Variants in SEC14L1 observed in about 807,000 individuals in gnomAD.
The protein encoded by SEC14L1 is SEC14-like protein 1.
Under a neutral mutation model 85.3 loss-of-function variants are expected in SEC14L1, and 48 were observed. The observed-to-expected ratio is 0.56, with a 90% CI of 0.45 to 0.72. The LOEUF (loss-of-function observed/expected upper bound fraction) is 0.72, where lower values mean the gene tolerates loss of function less well. Ranked by LOEUF, SEC14L1 falls within the 30% of genes least tolerant of loss-of-function variation. The pLI is 0.00. For missense variants in SEC14L1, 682 were observed against 921.4 expected (o/e 0.74, Z 3.36); for synonymous variants, 391 against 355.5 (o/e 1.10, Z -1.12).
intron 3 of SEC14L1, among the ~76,000 whole-genome samples, chr17:77,177,117 A>T (rs1380210589): frequency 1.3e-5 from 2 of 151,932 alleles, no homozygotes; most frequent in Admixed American, 6.6e-5. Context: ...TAAATCATCA[A>T]TTTTTTTGGT....
intron 3 of SEC14L1, among the ~76,000 whole-genome samples, chr17:77,129,906 T>C (rs1223962062): frequency 6.6e-6 from 1 of 152,134 alleles, no homozygotes; most frequent in African/African-American, 2.4e-5. Flanking sequence ...AGGGGATTCA[T>C]TGCTGGACTT....
In SEC14L1 at chr17:77,203,261, C is replaced by A. The variant is rs867583595; in HGVS notation, c.1010-309C>A. Reference sequence around the variant, plus strand: ...GGGCAGTTGTTCAGACTGAGCCCAGCACTTATGCAGCTCGAGCTGAGTGAG... The same window carrying A: ...GGGCAGTTGTTCAGACTGAGCCCAGAACTTATGCAGCTCGAGCTGAGTGAG... On this transcript the variant is annotated intron_variant, in intron 9 of 16. Coordinates refer to ENST00000436233, the MANE Select transcript of SEC14L1 (RefSeq NM_001143998.2). 1.9e-4 allele frequency among the ~76,000 whole-genome samples: 29 copies of A among 152,320 alleles called. 1 individual carries two copies. Among genetic ancestry groups the A allele is most frequent in the Middle Eastern group, 3.4e-3 (1 of 294 alleles).
At position 77,187,917 on chromosome 17, in the gene SEC14L1, A is replaced by G. The variant is rs541974963; in HGVS notation, c.64-2886A>G. On this transcript the variant is annotated intron_variant, in intron 3 of 16. Coordinates refer to ENST00000436233, the MANE Select transcript of SEC14L1 (RefSeq NM_001143998.2). ...GTACCACCACACCTGGCTAATTTTT[A>G]TATTTTTTGTAGAGATGGGGTTATG... Among the ~76,000 whole-genome samples, 17 of 150,004 alleles carry G rather than the reference A, an allele frequency of 1.1e-4. No individual in the cohort carries two copies. In the South Asian group the frequency reaches 3.2e-3, roughly 28 times the overall value.
intron 13 of SEC14L1, among the ~76,000 whole-genome samples, chr17:77,208,572 A>T (rs1405193504): frequency 6.6e-6 from 1 of 152,116 alleles, no homozygotes; most frequent in African/African-American, 2.4e-5. Flanking sequence ...GTTGAGGCTG[A>T]TTGTTGAAAG....
At chr17:77,113,026 A>G (rs1452750705) in intron 3 of SEC14L1, among the ~76,000 whole-genome samples, 1 of 151,826 alleles carries the variant, frequency 6.6e-6, no homozygotes, top group Non-Finnish European at 1.5e-5. Context: ...AGGCATAGTG[A>G]CATGTGCCTG....
chr17:77,212,274 CT>C (rs1021876209), intron 15 of SEC14L1, 73 bp downstream of exon 15: 9 of 1,564,120 alleles, frequency 5.8e-6, no homozygotes, highest in Non-Finnish European at 7.8e-6. Flanking sequence ...TGAGTAGACT[CT>C]TTGCTTCGCT....
intron 3 of SEC14L1, among the ~76,000 whole-genome samples, chr17:77,147,321 C>T (rs945274542): frequency 3.3e-5 from 5 of 152,026 alleles, no homozygotes; most frequent in Admixed American, 1.3e-4. Context: ...ATGTTAATTG[C>T]ATCTCACTTG....
chr17:77,148,643 GGTT>G (rs753813235), intron 3 of SEC14L1, among the ~76,000 whole-genome samples: 174 of 152,304 alleles, frequency 1.1e-3, no homozygotes, highest in Admixed American at 4.3e-3. Flanking sequence ...CAAGGCACCT[GGTT>G]CTGTCCCTGT....
Position 77,191,270 on chromosome 17 carries a change from G to A in SEC14L1, c.303G>A (p.Thr101=), listed in dbSNP as rs755382423. The change falls in exon 5 of 17, where the codon ACG becomes ACA. Residue 101 remains threonine, a synonymous_variant. Coordinates refer to ENST00000436233, the MANE Select transcript of SEC14L1 (RefSeq NM_001143998.2). ...RTLHIEAYNE[T]FSNRVIINEH... is the part of the protein sequence containing the mutation. ...TGCACATTGAGGCTTATAATGAAAC[G>A]TTTTCCAATCGGGTCATCATTAATG... 1.2e-5 allele frequency: 19 copies of A among 1,614,032 alleles called. No individual in the cohort carries two copies. The highest frequency in any genetic ancestry group is 3.3e-5 in the South Asian group (3 of 91,070).
intron 3 of SEC14L1, among the ~76,000 whole-genome samples, chr17:77,168,093 A>C (rs1974364537): frequency 6.6e-6 from 1 of 152,176 alleles, no homozygotes; most frequent in Non-Finnish European, 1.5e-5. Flanking sequence ...GTGATTTGTA[A>C]GAGAAGGAGG....
At position 77,215,224 on chromosome 17, in the gene SEC14L1, G is replaced by A; in HGVS notation, c.*1201G>A. The stretch of plus-strand genomic sequence containing the variant: ...GCCTTTTACATTTTGTTTAATTCCT[G>A]ATTTTAAAGCCTGCTCTATCTGGTA... On this transcript the variant is annotated 3_prime_UTR_variant, in exon 17 of 17. Coordinates refer to ENST00000436233, the MANE Select transcript of SEC14L1 (RefSeq NM_001143998.2). 3 of 985,386 alleles carry A rather than the reference G, an allele frequency of 3.0e-6. No individual in the cohort carries two copies. The highest frequency in any genetic ancestry group is 3.6e-6 in the Non-Finnish European group (3 of 829,948). The allele number at this position is 985,386 out of a possible 1,614,324, so 61.0% of individuals were successfully genotyped here.
intron 8 of SEC14L1, among the ~76,000 whole-genome samples, chr17:77,198,253 T>G (rs1975914727): frequency 6.6e-6 from 1 of 152,234 alleles, no homozygotes; most frequent in South Asian, 2.1e-4. Context: ...CAGGTGAGTC[T>G]TGCTTGGTTC....
chr17:77,215,443 TG>T lies in SEC14L1; in HGVS notation c.*1421del, dbSNP rs1659626032. On this transcript the variant is annotated 3_prime_UTR_variant, in exon 17 of 17. Transcript: ENST00000436233. ...GTGGTAGGCATGGAGATCCTGGTTGTGCCGTCTCAGCTCCGCTCTGAAGGCA... is the reference window on the plus strand; with the variant it reads ...GTGGTAGGCATGGAGATCCTGGTTGTCCGTCTCAGCTCCGCTCTGAAGGCA... 1 of 985,340 alleles carries T rather than the reference TG, an allele frequency of 1.0e-6. No individual in the cohort carries two copies. The highest frequency in any genetic ancestry group is 1.2e-6 in the Non-Finnish European group (1 of 830,002). The allele number at this position is 985,340 out of a possible 1,614,324, so 61.0% of individuals were successfully genotyped here. A position where few individuals can be genotyped will look rare whatever the true frequency, so the allele number is the denominator to read the frequency against.
Position 77,213,606 on chromosome 17 carries a change from T to C in SEC14L1, c.2042+114T>C, listed in dbSNP as rs2143237116. On this transcript the variant is annotated intron_variant, in intron 16 of 16. Coordinates refer to ENST00000436233, the MANE Select transcript of SEC14L1 (RefSeq NM_001143998.2). The surrounding 1 kb of genome is among the most constrained non-coding windows in gnomAD (Gnocchi z 7.1). ...AGTGGCGGCGGGTGTCAGGAATGCT[T>C]GGAGGGCCAGGAGGGAGTGGCTTTG... is the stretch of plus-strand genomic sequence containing the variant. The C allele has an allele frequency of 1.5e-6, 2 of 1,303,426 alleles. No homozygotes were observed. The highest frequency in any genetic ancestry group is 2.2e-6 in the Non-Finnish European group (2 of 928,412). 80.7% of individuals were successfully genotyped at this position (1,303,426 alleles called of 1,614,324 possible). A position where few individuals can be genotyped will look rare whatever the true frequency, so the allele number is the denominator to read the frequency against.
At chr17:77,197,192 C>A (rs1037008579) in intron 8 of SEC14L1, among the ~76,000 whole-genome samples, 1 of 152,216 alleles carries the variant, frequency 6.6e-6, no homozygotes, top group Admixed American at 6.5e-5. Context: ...TGAGTTATTT[C>A]GCAGGAGTTG....
chr17:77,116,442 G>C (rs1972173681), intron 3 of SEC14L1, among the ~76,000 whole-genome samples: 1 of 152,062 alleles, frequency 6.6e-6, no homozygotes, highest in Non-Finnish European at 1.5e-5. Flanking sequence ...AATGAACCGG[G>C]AAGGATGGTG....
At chr17:77,180,167 G>A (rs2143735876) in intron 3 of SEC14L1, among the ~76,000 whole-genome samples, 1 of 151,856 alleles carries the variant, frequency 6.6e-6, no homozygotes, top group South Asian at 2.1e-4. Flanking sequence ...GCAGTGGCGT[G>A]ATCTTGGTTC....
At chr17:77,147,175 T>C (rs963162952) in intron 3 of SEC14L1, among the ~76,000 whole-genome samples, 1 of 151,902 alleles carries the variant, frequency 6.6e-6, no homozygotes, top group East Asian at 1.9e-4. Flanking sequence ...GGTGAGAGAG[T>C]GGGAGAAAAC....
chr17:77,195,207 G>A (rs756145967), intron 7 of SEC14L1, among the ~76,000 whole-genome samples: 7 of 152,144 alleles, frequency 4.6e-5, no homozygotes, highest in African/African-American at 9.7e-5. Flanking sequence ...TGTTGCCCAG[G>A]ATGGTCTTGA....
Sources: gnomAD v4.1 joint callset for allele counts (sites outside exome capture counted in the v4.1 genomes callset) on GRCh38, gnomAD v4.1.1 for gene constraint, Gnocchi (gnomAD v3.1) non-coding constraint, MANE v1.5 for transcripts, NCBI Gene and HGNC (gene_info 2026-07-23, HGNC 2026-07-21) for gene names.